Variants in CARMIL1 observed in about 807,000 individuals in gnomAD.
CARMIL1 encodes the protein F-actin-uncapping protein LRRC16A.
CARMIL1 carries 90 observed loss-of-function variants against 177.1 expected under a neutral mutation model. The observed-to-expected ratio is 0.51, with a 90% confidence interval of 0.43 to 0.61. The LOEUF (loss-of-function observed/expected upper bound fraction) is 0.61. Among genes scored for constraint, CARMIL1 ranks in the 20% least tolerant of loss-of-function variants. The pLI, the probability that CARMIL1 is intolerant of heterozygous loss-of-function variation, is 0.00. For missense variants in CARMIL1, 1,380 were observed against 1,667.0 expected (o/e 0.83, Z 3.00); for synonymous variants, 577 against 606.2 (o/e 0.95, Z 0.71).
At chr6:25,407,622 C>T (rs1794497850) in intron 2 of CARMIL1, among the ~76,000 whole-genome samples, 1 of 152,118 alleles carries the variant, frequency 6.6e-6, no homozygotes. Context: ...TGGCAGCTAC[C>T]ACTGCAAGCA....
At chr6:25,298,476 G>A (rs1180344967) in intron 2 of CARMIL1, among the ~76,000 whole-genome samples, 1 of 152,178 alleles carries the variant, frequency 6.6e-6, no homozygotes, top group Admixed American at 6.5e-5. Flanking sequence ...TTTAAAGAAA[G>A]GGTTCAAGTT....
At chr6:25,579,909 T>C (rs919051992) in intron 29 of CARMIL1, among the ~76,000 whole-genome samples, 2 of 152,232 alleles carry the variant, frequency 1.3e-5, no homozygotes, top group African/African-American at 2.4e-5. Flanking sequence ...GATTGTTTTT[T>C]TGAGGAAGCA....
chr6:25,333,710 T>C (rs1260259780), intron 2 of CARMIL1, among the ~76,000 whole-genome samples: 2 of 152,012 alleles, frequency 1.3e-5, no homozygotes, highest in Admixed American at 1.3e-4. Flanking sequence ...GCTTGAAATA[T>C]TGCTTGAAAT....
chr6:25,620,205 C>T lies in CARMIL1; in HGVS notation c.*622C>T, dbSNP rs1246863502. On this transcript the variant is annotated 3_prime_UTR_variant, in exon 37 of 37. Transcript: ENST00000329474. Reference sequence around the variant, plus strand: ...CTGATGTGGAATTGTACATTTAAAGCTTGGTCGGTGACCTTTGCATACCAT... The same window carrying T: ...CTGATGTGGAATTGTACATTTAAAGTTTGGTCGGTGACCTTTGCATACCAT... The T allele has an allele frequency of 2.0e-5, 3 of 152,526 alleles. No homozygotes were observed. Among genetic ancestry groups the T allele is most frequent in the Admixed American group, 6.5e-5 (1 of 15,270 alleles). 9.4% of individuals were successfully genotyped at this position (152,526 alleles called of 1,614,324 possible).
At chr6:25,567,432 G>A (rs538543430) in intron 29 of CARMIL1, among the ~76,000 whole-genome samples, 9 of 152,302 alleles carry the variant, frequency 5.9e-5, no homozygotes, top group Admixed American at 5.9e-4. Context: ...CTGAACTGAT[G>A]GAAACAGCAG....
chr6:25,348,555 G>A (rs1227718791), intron 2 of CARMIL1, among the ~76,000 whole-genome samples: 1 of 151,864 alleles, frequency 6.6e-6, no homozygotes, highest in Admixed American at 6.6e-5. Context: ...AGGCCGAGCT[G>A]GGCGGATCAC....
At chr6:25,368,039 C>G (rs113460997) in intron 2 of CARMIL1, among the ~76,000 whole-genome samples, 8,153 of 152,244 alleles carry the variant, frequency 0.054, 222 homozygotes, top group Middle Eastern at 0.11. Context: ...GGATTACAGG[C>G]GTGAGCCACC....
chr6:25,516,250 TAA>T (rs1805984576), intron 21 of CARMIL1, among the ~76,000 whole-genome samples: 1 of 152,018 alleles, frequency 6.6e-6, no homozygotes, highest in South Asian at 2.1e-4. Flanking sequence ...CCTGCCGATA[TAA>T]AGACTTAAAA....
intron 23 of CARMIL1, among the ~76,000 whole-genome samples, chr6:25,525,511 G>T (rs1162838957): frequency 1.3e-5 from 2 of 152,166 alleles, no homozygotes; most frequent in Non-Finnish European, 2.9e-5. Flanking sequence ...GAAGGAAAAT[G>T]ATATAGATTA....
intron 1 of CARMIL1, among the ~76,000 whole-genome samples, chr6:25,280,194 C>G (rs974480112): frequency 2.0e-5 from 3 of 152,108 alleles, no homozygotes; most frequent in Middle Eastern, 3.2e-3. Flanking sequence ...GAGGGGAGCC[C>G]TTTACAGCTC....
At chr6:25,472,352 G>C in intron 10 of CARMIL1, 75 bp from the exon 11 acceptor site, 2 of 1,041,470 alleles carry the variant, frequency 1.9e-6, no homozygotes, top group East Asian at 2.6e-5. Context: ...ATTTCACTCT[G>C]TTCTAAGCTT....
intron 16 of CARMIL1, among the ~76,000 whole-genome samples, chr6:25,498,493 T>C (rs1012602893): frequency 1.3e-5 from 2 of 152,208 alleles, no homozygotes; most frequent in African/African-American, 4.8e-5. Flanking sequence ...TGGGCTTCTA[T>C]AGTTAAATGC....
At chr6:25,355,123 C>T (rs1398551663) in intron 2 of CARMIL1, among the ~76,000 whole-genome samples, 2 of 152,160 alleles carry the variant, frequency 1.3e-5, no homozygotes. Context: ...AAAGATGTGA[C>T]CTCTGGGACC....
At chr6:25,319,111 T>A (rs186121972) in intron 2 of CARMIL1, among the ~76,000 whole-genome samples, 47 of 152,250 alleles carry the variant, frequency 3.1e-4, no homozygotes, top group African/African-American at 1.0e-3. Flanking sequence ...ACTATGAGGA[T>A]AGACTGTTCT....
chr6:25,461,782 A>T (rs141726293), intron 8 of CARMIL1, among the ~76,000 whole-genome samples: 1 of 152,256 alleles, frequency 6.6e-6, no homozygotes, highest in African/African-American at 2.4e-5. Context: ...ATCATTTTGC[A>T]TCCTCATTGG....
Position 25,279,810 on chromosome 6 carries a change from C to G in CARMIL1, c.15C>G (p.Ser5Arg). The change falls in exon 1 of 37, where the codon AGC (serine) becomes AGG (arginine). Residue 5 changes from serine to arginine, a missense_variant. By Grantham distance (110) the Ser-to-Arg change is moderately radical (BLOSUM62 -1). Coordinates refer to ENST00000329474, the MANE Select transcript of CARMIL1 (RefSeq NM_017640.6). ...ACAGGGCAACCATGACCGAGGAGAG[C>G]TCTGACGTTCCCAGGGAGTTGATAG... Reference protein sequence around the residue: MTEESSDVPRELIES... With the variant: MTEERSDVPRELIES... 5 of 1,613,998 alleles carry G rather than the reference C, an allele frequency of 3.1e-6. No individual in the cohort carries two copies. The highest frequency in any genetic ancestry group is 4.2e-6 in the Non-Finnish European group (5 of 1,179,882).
chr6:25,517,362 C>T lies in CARMIL1; in HGVS notation c.1821C>T (p.Asp607=). 6.2e-7 allele frequency: 1 copy of T among 1,613,060 alleles called. No individual in the cohort carries two copies. The highest frequency in any genetic ancestry group is 8.5e-7 in the Non-Finnish European group (1 of 1,179,376). ...INTKLRTVIW[D]KNNITAQGFQ... ...TTTCAAACAGGACTGTAATATGGGA[C>T]AAGAACAACATCACTGCACAAGGCT... The change falls in exon 22 of 37, where the codon GAC becomes GAT. Residue 607 remains aspartate (D), a synonymous_variant. Coordinates refer to ENST00000329474, the MANE Select transcript of CARMIL1 (RefSeq NM_017640.6).
chr6:25,393,951 CT>C (rs1172220427), intron 2 of CARMIL1, among the ~76,000 whole-genome samples: 1 of 152,134 alleles, frequency 6.6e-6, no homozygotes, highest in Non-Finnish European at 1.5e-5. Context: ...ATCTTCCACG[CT>C]AAGTTCCCTT....
chr6:25,508,128 G>A (rs1055489328), intron 17 of CARMIL1, among the ~76,000 whole-genome samples: 1 of 152,114 alleles, frequency 6.6e-6, no homozygotes. Flanking sequence ...CTCAAATTTT[G>A]AGTAGCAAGG....
Sources: gnomAD v4.1 joint callset for allele counts (sites outside exome capture counted in the v4.1 genomes callset) on GRCh38, gnomAD v4.1.1 for gene constraint, MANE v1.5 for transcripts, NCBI Gene and HGNC (gene_info 2026-07-23, HGNC 2026-07-21) for gene names.